The following C16orf96 variants were observed in gnomAD, a reference collection of about 807,000 sequenced individuals.
C16orf96 encodes the protein chromosome 16 open reading frame 96.
In C16orf96, 108 loss-of-function variants were observed where a neutral mutation model predicts 103.6. The ratio of observed to expected loss-of-function variants is 1.04; its 90% CI spans 0.89 to 1.22. The LOEUF (loss-of-function observed/expected upper bound fraction) is 1.22, where lower values mean the gene tolerates loss of function less well. Ranked by LOEUF, C16orf96 falls within the 50% of genes most tolerant of loss-of-function variation. C16orf96 has a pLI of 0.00. For missense variants in C16orf96, 1,586 were observed against 1,464.2 expected (o/e 1.08, Z -1.36); for synonymous variants, 566 against 593.5 (o/e 0.95, Z 0.67).
chr16:4,572,722 C>A lies in C16orf96; in HGVS notation c.525+1057C>A, dbSNP rs2059453744. ...ACCTAGCAAAAAGAAAACCTCTTCC[C>A]CTTCTGGAAAGCTCTGTCCACATGG... On this transcript the variant is annotated intron_variant, in intron 2 of 15. Coordinates refer to ENST00000444310, the MANE Select transcript of C16orf96 (RefSeq NM_001145011.2). Among the ~76,000 whole-genome samples, 3 of 152,146 alleles carry A rather than the reference C, an allele frequency of 2.0e-5. No homozygotes were observed. The South Asian group carries it at 6.2e-4, about 32-fold the overall frequency.
the C16orf96 span, among the ~76,000 whole-genome samples, chr16:4,548,741 T>C: frequency 1.3e-5 from 2 of 151,978 alleles, no homozygotes; most frequent in South Asian, 4.1e-4. Context: ...GGCGTGGTGG[T>C]GCATGCCTAT....
rs1249235880 is a variant in C16orf96, at chr16:4,593,617, A to T, written c.2867+301A>T. ...CCTGTGAGCTAGGGTTCCTATGCCC[A>T]TGTCCCTGTTTCTTGGCGGAGGGAA... On this transcript the variant is annotated intron_variant, in intron 12 of 15. Coordinates refer to ENST00000444310, the MANE Select transcript of C16orf96 (RefSeq NM_001145011.2). This position sits in a 1 kb window ranked among gnomAD's most constrained non-coding sequence, Gnocchi z 4.2. 6.6e-6 allele frequency among the ~76,000 whole-genome samples: 1 copy of T among 151,998 alleles called. No homozygotes were observed. The highest frequency in any genetic ancestry group is 2.4e-5 in the African/African-American group (1 of 41,390).
chr16:4,591,756 G>T lies in C16orf96; in HGVS notation c.2683G>T (p.Asp895Tyr), dbSNP rs1332655068. The T allele has an allele frequency of 6.4e-7, 1 of 1,551,686 alleles. No homozygotes were observed. Among genetic ancestry groups the T allele is most frequent in the Admixed American group, 2.0e-5 (1 of 50,982 alleles). ...GCTGCTGATTGAGGGCTTAAGACTG[G>T]ATCCTGACAGTGCTGCTGGCTTTAG... ...RKLLIEGLRL[D>Y]PDSAAGFRRK... Residue 895 changes from aspartate (D) to tyrosine (Y), a missense_variant, in exon 10 of 16, where the codon GAT (aspartate) becomes TAT (tyrosine). By Grantham distance (160) the Asp-to-Tyr change is radical (BLOSUM62 -3). Coordinates refer to ENST00000444310, the MANE Select transcript of C16orf96 (RefSeq NM_001145011.2).
chr16:4,547,668 C>CCTTCCTTCCTTGCTTG, the C16orf96 span, among the ~76,000 whole-genome samples: 2 of 67,702 alleles, frequency 3.0e-5, no homozygotes, highest in African/African-American at 8.6e-5. Flanking sequence ...TTCCTTCCTT[C>CCTTCCTTCCTTGCTTG]CTTGCTTCCT....
At chr16:4,563,174 A>G (rs1596515665) in intron 1 of C16orf96, 1 of 743,618 alleles carries the variant, frequency 1.3e-6, no homozygotes, top group East Asian at 2.9e-5. Flanking sequence ...TGAAGAAACA[A>G]GTTCCTTTGC....
At chr16:4,579,553 CAAAAAAAAAAAAAAAA>C (rs535480439) in intron 6 of C16orf96, among the ~76,000 whole-genome samples, 1 of 51,834 alleles carries the variant, frequency 1.9e-5, no homozygotes, top group African/African-American at 6.5e-5. Context: ...GGCCCTGTCT[CAAAAAAAAAAAAAAAA>C]AAAAAAAAAA....
chr16:4,596,249 G>T (rs1897169229), intron 14 of C16orf96, among the ~76,000 whole-genome samples: 2 of 152,132 alleles, frequency 1.3e-5, no homozygotes, highest in Non-Finnish European at 2.9e-5. Flanking sequence ...CACTTTGGGA[G>T]ACCGAGGCGG....
chr16:4,554,176 C>G (rs779401272), upstream of C16orf96, among the ~76,000 whole-genome samples: 15 of 152,156 alleles, frequency 9.9e-5, no homozygotes, highest in Admixed American at 7.2e-4. Flanking sequence ...TGGCAGCTGG[C>G]TCTTGGCCAT....
intron 1 of C16orf96, among the ~76,000 whole-genome samples, chr16:4,566,376 G>A (rs1398363601): frequency 6.6e-6 from 1 of 152,194 alleles, no homozygotes; most frequent in African/African-American, 2.4e-5. Context: ...ATCCTACAGA[G>A]TTTGAAGTGG....
chr16:4,569,874 C>T (rs1288274096), intron 1 of C16orf96, among the ~76,000 whole-genome samples: 4 of 152,126 alleles, frequency 2.6e-5, no homozygotes, highest in Non-Finnish European at 4.4e-5. Flanking sequence ...TGCCTGAGAG[C>T]TCAGTCTCAC....
Position 4,563,204 on chromosome 16 carries a change from G to A in C16orf96, c.420+6295G>A, listed in dbSNP as rs868573129. On this transcript the variant is annotated intron_variant, in intron 1 of 15. Transcript: ENST00000444310. ...CTTTGCTTTAGGCATCGCTTCGCTC[G>A]GCTCTAGCAGTGGAACACCCTCTTG... 2.5e-4 allele frequency: 155 copies of A among 611,518 alleles called. 1 individual carries two copies. The highest frequency in any genetic ancestry group is 9.8e-4 in the South Asian group (65 of 66,276). 37.9% of individuals were successfully genotyped at this position (611,518 alleles called of 1,614,324 possible). A position where few individuals can be genotyped will look rare whatever the true frequency, so the allele number is the denominator to read the frequency against.
intron 9 of C16orf96, among the ~76,000 whole-genome samples, chr16:4,589,758 T>C (rs1398866464): frequency 6.6e-6 from 1 of 152,152 alleles, no homozygotes; most frequent in African/African-American, 2.4e-5. Context: ...AATAGTGTTG[T>C]GGTTATATAA....
chr16:4,553,335 T>A (rs547039323), upstream of C16orf96, among the ~76,000 whole-genome samples: 3 of 152,298 alleles, frequency 2.0e-5, no homozygotes, highest in African/African-American at 7.2e-5. Flanking sequence ...GTTCTAACCA[T>A]TGGCAAGAGT....
At position 4,600,376 on chromosome 16, in the gene C16orf96, A is replaced by G. The variant is rs1756752548; in HGVS notation, c.*59A>G. 5.8e-6 allele frequency: 7 copies of G among 1,201,566 alleles called. No homozygotes were observed. The South Asian group carries it at 9.3e-5, about 16-fold the overall frequency. The allele number at this position is 1,201,566 out of a possible 1,614,324, so 74.4% of individuals were successfully genotyped here. A position where few individuals can be genotyped will look rare whatever the true frequency, so the allele number is the denominator to read the frequency against. ...CCCTCCACGTCCGAGGCTGAGGCCC[A>G]TGTGGCCCTCCCACTCCCACCAAGT... On this transcript the variant is annotated 3_prime_UTR_variant, in exon 16 of 16. Coordinates refer to ENST00000444310, the MANE Select transcript of C16orf96 (RefSeq NM_001145011.2).
intron 11 of C16orf96, 69 bp downstream of exon 11, chr16:4,592,436 ACCTC>A: frequency 6.6e-7 from 1 of 1,512,692 alleles, no homozygotes; most frequent in Non-Finnish European, 9.0e-7. Flanking sequence ...ATCTCCGTGC[ACCTC>A]CATGTGCACC....
Position 4,556,904 on chromosome 16 carries a change from G to A in C16orf96, c.415G>A (p.Ala139Thr). 1 of 1,539,566 alleles carries A rather than the reference G, an allele frequency of 6.5e-7. No homozygotes were observed. Among genetic ancestry groups the A allele is most frequent in the Non-Finnish European group, 8.8e-7 (1 of 1,137,890 alleles). Residue 139 changes from alanine (A) to threonine (T), a missense_variant, in exon 1 of 16, where the codon GCC (alanine) becomes ACC (threonine). Physicochemically the swap from Ala to Thr is moderately conservative, Grantham distance 58. Coordinates refer to ENST00000444310, the MANE Select transcript of C16orf96 (RefSeq NM_001145011.2). ...GGTGGAGGGTCATGATGAAGTCATGGCCAAGGTACGCCCCCAGCCTCCAGA... is the reference window on the plus strand; with the variant it reads ...GGTGGAGGGTCATGATGAAGTCATGACCAAGGTACGCCCCCAGCCTCCAGA... ...KMVEGHDEVM[A>T]KSMQTLQDLL...
intron 14 of C16orf96, among the ~76,000 whole-genome samples, chr16:4,596,097 C>G (rs1441307954): frequency 6.6e-6 from 1 of 152,094 alleles, no homozygotes; most frequent in African/African-American, 2.4e-5. Flanking sequence ...AAGGAGGAGG[C>G]ACCCTGATTC....
At chr16:4,573,295 T>G (rs1190871550) in intron 2 of C16orf96, among the ~76,000 whole-genome samples, 1 of 151,802 alleles carries the variant, frequency 6.6e-6, no homozygotes, top group South Asian at 2.1e-4. Flanking sequence ...AAAAATTAGC[T>G]GGGTGTGGTT....
At chr16:4,560,466 C>T (rs2059317435) in intron 1 of C16orf96, 1 of 152,136 alleles carries the variant, frequency 6.6e-6, no homozygotes, top group East Asian at 1.9e-4. Flanking sequence ...TCCCAAAGTG[C>T]TGAGATTACA....
Sources: gnomAD v4.1 joint callset for allele counts (sites outside exome capture counted in the v4.1 genomes callset) on GRCh38, gnomAD v4.1.1 for gene constraint, Gnocchi (gnomAD v3.1) non-coding constraint, MANE v1.5 for transcripts, NCBI Gene and HGNC (gene_info 2026-07-23, HGNC 2026-07-21) for gene names.